The following KALRN variants were observed in gnomAD, a reference collection of about 807,000 sequenced individuals.
KALRN encodes the protein kalirin.
In KALRN, 70 loss-of-function variants were observed where a neutral mutation model predicts 353.7. That is an observed-to-expected ratio of 0.20 (90% CI 0.16 to 0.24). The LOEUF is 0.24. Among genes scored for constraint, KALRN ranks in the 10% least tolerant of loss-of-function variants. The probability of loss-of-function intolerance (pLI) is 1.00; values close to 1 mark genes in which losing one functional copy is unlikely to be tolerated. For missense variants in KALRN, 2,791 were observed against 3,756.7 expected, an observed-to-expected ratio of 0.74 and a Z score of 6.72; for synonymous variants, 1,391 against 1,434.8, an observed-to-expected ratio of 0.97 and a Z score of 0.69.
intron 1 of KALRN, among the ~76,000 whole-genome samples, chr3:124,187,127 C>T (rs994538902): frequency 3.3e-5 from 5 of 152,178 alleles, no homozygotes; most frequent in Non-Finnish European, 2.9e-5. Flanking sequence ...GTCGCCCAGG[C>T]TGGAGTGCAG....
At chr3:124,470,762 T>A (rs943471555) in intron 25 of KALRN, among the ~76,000 whole-genome samples, 1 of 147,016 alleles carries the variant, frequency 6.8e-6, no homozygotes, top group African/African-American at 2.4e-5. Context: ...TAACTAGAGT[T>A]TTCCAAGAGT....
intron 34 of KALRN, among the ~76,000 whole-genome samples, chr3:124,586,450 A>G (rs572112937): frequency 3.0e-4 from 46 of 151,908 alleles, no homozygotes; most frequent in Non-Finnish European, 5.6e-4. Context: ...GCTGCCCTTC[A>G]GGGTAACTCT....
At chr3:124,071,984 C>T (rs900749573) in intron 1 of KALRN, among the ~76,000 whole-genome samples, 4 of 152,156 alleles carry the variant, frequency 2.6e-5, no homozygotes, top group African/African-American at 9.7e-5. Context: ...CCTAAAAGAC[C>T]TCTTGAAGGT....
intron 34 of KALRN, among the ~76,000 whole-genome samples, chr3:124,617,223 A>G (rs1353173369): frequency 6.6e-6 from 1 of 151,922 alleles, no homozygotes; most frequent in Non-Finnish European, 1.5e-5. Flanking sequence ...AGTCTCAGCT[A>G]CTCAGAAGGC....
At chr3:124,244,049 G>A (rs533488458) in intron 3 of KALRN, among the ~76,000 whole-genome samples, 50 of 152,258 alleles carry the variant, frequency 3.3e-4, no homozygotes, top group African/African-American at 1.1e-3. Context: ...CTTCTAATAC[G>A]TAATGAATGA....
chr3:124,642,806 G>GTTTTTTTTTTGTTGTTGGTTTTTTTTT (rs1553707031), intron 37 of KALRN, among the ~76,000 whole-genome samples: 1 of 96,840 alleles, frequency 1.0e-5, no homozygotes, highest in Non-Finnish European at 1.9e-5. Context: ...CCCAAGCCTC[G>GTTTTTTTTTTGTTGTTGGTTTTTTTTT]TTTTTTTTTT....
At position 124,678,231 on chromosome 3, in the gene KALRN, C is replaced by A. The variant is rs1197217291; in HGVS notation, c.7235C>A (p.Ala2412Glu). 6 of 1,613,852 alleles carry A rather than the reference C, an allele frequency of 3.7e-6. No individual in the cohort carries two copies. The highest frequency in any genetic ancestry group is 1.7e-4 in the Middle Eastern group (1 of 6,052). ...SWHTLRMRKR[A>E]EVENTGKNEA... is the part of the protein sequence containing the mutation. Reference sequence around the variant, plus strand: ...CATACTCTACGCATGAGAAAGCGGGCGGAAGTGGAGAACACGGGTAAAAAT... The same window carrying A: ...CATACTCTACGCATGAGAAAGCGGGAGGAAGTGGAGAACACGGGTAAAAAT... The change falls in exon 50 of 60, where the codon GCG becomes GAG. Residue 2412 changes from alanine to glutamate, a missense_variant. Physicochemically the swap from Ala to Glu is moderately radical, Grantham distance 107. Around this residue, in one of 11 missense-constraint regions of KALRN, gnomAD observed 1,065 missense variants for 1,156.4 expected, o/e 0.92. Transcript: ENST00000682506.
intron 1 of KALRN, among the ~76,000 whole-genome samples, chr3:124,140,695 A>G (rs1175812000): frequency 6.6e-6 from 1 of 152,060 alleles, no homozygotes; most frequent in East Asian, 1.9e-4. Flanking sequence ...TGATGGGAAT[A>G]ATTAAGTGTT....
At chr3:124,060,884 G>A (rs750730630) in intron 1 of KALRN, among the ~76,000 whole-genome samples, 1 of 152,346 alleles carries the variant, frequency 6.6e-6, no homozygotes, top group East Asian at 1.9e-4. Flanking sequence ...GCAAGGCCTG[G>A]GGCCCCAGTG....
chr3:124,223,579 G>A (rs1341893847), intron 1 of KALRN, among the ~76,000 whole-genome samples: 1 of 152,212 alleles, frequency 6.6e-6, no homozygotes, highest in Non-Finnish European at 1.5e-5. Context: ...GCAATCCATG[G>A]ATACTCTGGC....
intron 10 of KALRN, among the ~76,000 whole-genome samples, chr3:124,367,054 CG>C (rs1421890653): frequency 7.5e-6 from 1 of 132,482 alleles, no homozygotes; most frequent in Non-Finnish European, 1.6e-5. Flanking sequence ...GCTGGCCGGG[CG>C]GGGGGCTGAC....
rs769954667 is a variant in KALRN, at chr3:124,671,625, A to G, written c.6704-35A>G. 8.6e-6 allele frequency: 13 copies of G among 1,506,676 alleles called. No homozygotes were observed. The African/African-American group carries it at 1.4e-4, about 16-fold the overall frequency. 93.3% of individuals were successfully genotyped at this position (1,506,676 alleles called of 1,614,324 possible). A position where few individuals can be genotyped will look rare whatever the true frequency, so the allele number is the denominator to read the frequency against. The stretch of plus-strand genomic sequence containing the variant: ...GCCTCCAAATCCTTGTGGGATTCCC[A>G]AAGCTTAGAGTAACCACCTGCTCTT... On this transcript the variant is annotated intron_variant, in intron 47 of 59. Transcript: ENST00000682506.
intron 1 of KALRN, among the ~76,000 whole-genome samples, chr3:124,158,023 T>C (rs1257208482): frequency 6.6e-6 from 1 of 152,150 alleles, no homozygotes. Context: ...TCCTCAGGGC[T>C]CCCCTTTTCC....
chr3:124,640,971 T>G (rs574481031), intron 37 of KALRN, among the ~76,000 whole-genome samples: 100 of 152,224 alleles, frequency 6.6e-4, no homozygotes, highest in African/African-American at 2.0e-3. Flanking sequence ...TCTTTCCGCT[T>G]TATTGGTTGC....
At chr3:124,078,373 AT>A (rs1320370447) in intron 1 of KALRN, among the ~76,000 whole-genome samples, 5 of 152,192 alleles carry the variant, frequency 3.3e-5, no homozygotes, top group African/African-American at 4.8e-5. Context: ...GAATTAGTTA[AT>A]TGATAATGTA....
intron 18 of KALRN, among the ~76,000 whole-genome samples, chr3:124,439,771 A>G (rs1472830834): frequency 6.6e-6 from 1 of 152,142 alleles, no homozygotes; most frequent in Non-Finnish European, 1.5e-5. Context: ...CTCTGCACAG[A>G]CTGTCAGCTG....
At chr3:124,554,083 C>T (rs2070896400) in intron 33 of KALRN, among the ~76,000 whole-genome samples, 1 of 152,244 alleles carries the variant, frequency 6.6e-6, no homozygotes, top group Admixed American at 6.5e-5. Context: ...AGGCCAGGCA[C>T]CGTGGCTTAC....
intron 34 of KALRN, among the ~76,000 whole-genome samples, chr3:124,565,134 A>G (rs1350270171): frequency 6.6e-6 from 1 of 152,218 alleles, no homozygotes; most frequent in Non-Finnish European, 1.5e-5. Flanking sequence ...ACTAGATGGC[A>G]GCAGCAGGCT....
At chr3:124,094,670 A>G (rs2061321807) in intron 1 of KALRN, 2 of 660,004 alleles carry the variant, frequency 3.0e-6, no homozygotes, top group Non-Finnish European at 5.6e-6. Flanking sequence ...CTCCCGGCAC[A>G]GTCAGCCTCT....
Sources: allele counts gnomAD v4.1 joint callset (sites outside exome capture counted in the v4.1 genomes callset), GRCh38; gene constraint gnomAD v4.1.1; regional missense constraint gnomAD v4.1.1; transcripts MANE v1.5; gene names NCBI Gene and HGNC (gene_info 2026-07-23, HGNC 2026-07-21).